TRDN: variants seen among roughly 807,000 people sequenced by gnomAD.
TRDN encodes the protein triadin.
Under a neutral mutation model 149.7 loss-of-function variants are expected in TRDN, and 161 were observed. The observed-to-expected ratio is 1.08, with a 90% CI of 0.95 to 1.23. The LOEUF is 1.23. Among genes scored for constraint, TRDN ranks in the 50% most tolerant of loss-of-function variants. The pLI is 0.00. For synonymous variants in TRDN, 294 were observed against 250.5 expected (o/e 1.17, Z -1.64); for missense variants, 896 against 823.5 (o/e 1.09, Z -1.08).
At chr6:123,487,110 A>T (rs1212851252) in intron 9 of TRDN, among the ~76,000 whole-genome samples, 1 of 152,008 alleles carries the variant, frequency 6.6e-6, no homozygotes, top group Non-Finnish European at 1.5e-5. Flanking sequence ...AAGAGCCAAC[A>T]CTCAGAGAGC....
chr6:123,465,019 A>G lies in TRDN; in HGVS notation c.854-36T>C, dbSNP rs544405245. The G allele has an allele frequency of 2.6e-6, 4 of 1,540,914 alleles. No homozygotes were observed. The African/African-American group carries it at 5.5e-5, about 21-fold the overall frequency. On this transcript the variant is annotated intron_variant, in intron 9 of 40. Coordinates refer to ENST00000334268, the MANE Select transcript of TRDN (RefSeq NM_006073.4). Reference sequence around the variant, plus strand: ...TAGAAGTAGGAATTGGAAAAAAAAAAGTATTAACAAATCTAATATCCACAA... The same window carrying G: ...TAGAAGTAGGAATTGGAAAAAAAAAGGTATTAACAAATCTAATATCCACAA...
chr6:123,392,452 T>C (rs564587724), intron 13 of TRDN, among the ~76,000 whole-genome samples: 1 of 152,182 alleles, frequency 6.6e-6, no homozygotes, highest in East Asian at 1.9e-4. Flanking sequence ...TGGTTTTCTA[T>C]GAAAACATAT....
intron 9 of TRDN, among the ~76,000 whole-genome samples, chr6:123,480,141 C>G (rs1417627180): frequency 6.7e-6 from 1 of 149,832 alleles, no homozygotes; most frequent in Non-Finnish European, 1.5e-5. Flanking sequence ...ATCCATTTTT[C>G]TTTATGGCAA....
At chr6:123,512,826 T>A (rs1779245131) in intron 6 of TRDN, among the ~76,000 whole-genome samples, 1 of 152,140 alleles carries the variant, frequency 6.6e-6, no homozygotes, top group South Asian at 2.1e-4. Context: ...AATTAAGTAG[T>A]AAAATATGAG....
chr6:123,473,851 A>C (rs1467687290), intron 9 of TRDN, among the ~76,000 whole-genome samples: 1 of 152,140 alleles, frequency 6.6e-6, no homozygotes, highest in Non-Finnish European at 1.5e-5. Context: ...ACTAAGCTTC[A>C]TAAGCGAACG....
chr6:123,458,818 AG>A (rs1335496524), intron 10 of TRDN, among the ~76,000 whole-genome samples: 1 of 152,068 alleles, frequency 6.6e-6, no homozygotes, highest in African/African-American at 2.4e-5. Context: ...TTTGCTCTTT[AG>A]GAAATTGATG....
chr6:123,515,737 T>C (rs931733170), intron 6 of TRDN, among the ~76,000 whole-genome samples: 1 of 152,076 alleles, frequency 6.6e-6, no homozygotes, highest in East Asian at 1.9e-4. Context: ...TTAGAACTTA[T>C]TATCTATTCT....
chr6:123,612,389 C>A (rs1784864166), intron 1 of TRDN, among the ~76,000 whole-genome samples: 1 of 151,124 alleles, frequency 6.6e-6, no homozygotes, highest in Admixed American at 6.6e-5. Context: ...TGCACATGTA[C>A]CCTAAAATTT....
intron 7 of TRDN, among the ~76,000 whole-genome samples, chr6:123,511,012 T>C (rs1231577819): frequency 1.3e-5 from 2 of 152,196 alleles, no homozygotes; most frequent in African/African-American, 2.4e-5. Flanking sequence ...ATTTTTGCTT[T>C]GGTTACCTAT....
At chr6:123,546,301 TTGAC>T (rs1781110489) in intron 4 of TRDN, among the ~76,000 whole-genome samples, 1 of 152,148 alleles carries the variant, frequency 6.6e-6, no homozygotes, top group African/African-American at 2.4e-5. Flanking sequence ...ATAGTTGAGT[TTGAC>T]TGGCTTAGCT....
Position 123,571,090 on chromosome 6 carries a change from C to A in TRDN, c.65G>T (p.Gly22Val). ...TTTTVIDSKN[G>V]SVPKSPGKVL... ...TTTTCCGGGGGATTTGGGCACAGAT[C>A]CATTTTTGCTGTCTATCACAGTTGT... The change falls in exon 2 of 41, where the codon GGA (glycine) becomes GTA (valine). Residue 22 changes from glycine (G) to valine (V), a missense_variant. Gly to Val is a moderately radical substitution (Grantham distance 109). Coordinates refer to ENST00000334268, the MANE Select transcript of TRDN (RefSeq NM_006073.4). The A allele has an allele frequency of 6.2e-7, 1 of 1,613,916 alleles. No individual in the cohort carries two copies.
intron 2 of TRDN, among the ~76,000 whole-genome samples, chr6:123,568,048 T>C (rs1183337166): frequency 2.0e-5 from 3 of 152,184 alleles, no homozygotes; most frequent in Admixed American, 2.0e-4. Context: ...AATGAGGGTA[T>C]AGGCATTGGG....
At chr6:123,340,299 T>C (rs1170822660) in intron 21 of TRDN, among the ~76,000 whole-genome samples, 1 of 152,096 alleles carries the variant, frequency 6.6e-6, no homozygotes, top group Non-Finnish European at 1.5e-5. Flanking sequence ...TTCATCTGTT[T>C]AAAGGAAACA....
At chr6:123,539,724 AT>A (rs1780731759) in intron 4 of TRDN, among the ~76,000 whole-genome samples, 1 of 152,184 alleles carries the variant, frequency 6.6e-6, no homozygotes, top group East Asian at 1.9e-4. Context: ...CCTATCATTC[AT>A]GTTTTGGGAT....
At chr6:123,333,154 G>A (rs1475994086) in intron 22 of TRDN, among the ~76,000 whole-genome samples, 1 of 152,042 alleles carries the variant, frequency 6.6e-6, no homozygotes, top group East Asian at 1.9e-4. Context: ...TACTGCTCTT[G>A]CACTTCCTGG....
chr6:123,393,573 C>T (rs1364822944), intron 13 of TRDN, 51 bp downstream of exon 13: 1 of 1,526,658 alleles, frequency 6.6e-7, no homozygotes, highest in Non-Finnish European at 8.9e-7. Flanking sequence ...CAATAAAGTG[C>T]TATAGATGTT....
At chr6:123,513,132 C>T (rs1359327883) in intron 6 of TRDN, among the ~76,000 whole-genome samples, 1 of 152,102 alleles carries the variant, frequency 6.6e-6, no homozygotes, top group African/African-American at 2.4e-5. Flanking sequence ...CCAGGTGCCT[C>T]CTCCTCCAGA....
chr6:123,549,682 G>A (rs1781291847), intron 2 of TRDN, among the ~76,000 whole-genome samples: 1 of 152,002 alleles, frequency 6.6e-6, no homozygotes, highest in Non-Finnish European at 1.5e-5. Context: ...GTTGAAGTTT[G>A]AAAGGGTGCC....
At chr6:123,541,620 G>C (rs1251873914) in intron 4 of TRDN, among the ~76,000 whole-genome samples, 3 of 152,116 alleles carry the variant, frequency 2.0e-5, no homozygotes, top group Non-Finnish European at 2.9e-5. Context: ...TGCAGCCTGA[G>C]AGCGATATGC....
Sources: allele counts gnomAD v4.1 joint callset (sites outside exome capture counted in the v4.1 genomes callset), GRCh38; gene constraint gnomAD v4.1.1; transcripts MANE v1.5; gene names NCBI Gene and HGNC (gene_info 2026-07-23, HGNC 2026-07-21).